The following C2orf81 variants were observed in gnomAD, a reference collection of about 807,000 sequenced individuals.
C2orf81 encodes the protein chromosome 2 open reading frame 81.
A neutral mutation model predicts 7.9 loss-of-function variants in C2orf81; 5 were observed. That is an observed-to-expected ratio of 0.63 (90% CI 0.33 to 1.33). The LOEUF is 1.33. Among genes scored for constraint, C2orf81 ranks in the 40% most tolerant of loss-of-function variants. The probability of loss-of-function intolerance (pLI) is 0.05; values close to 1 mark genes in which losing one functional copy is unlikely to be tolerated. For synonymous variants in C2orf81, 346 were observed against 367.4 expected (o/e 0.94, Z 0.66); for missense variants, 781 against 830.4 (o/e 0.94, Z 0.73).
In C2orf81 at chr2:74,414,272, G is replaced by A; in HGVS notation, c.*57C>T. ...CTCAGGGATCAGAGGGAGGCAGCAG[G>A]CTTAGAGGAGCGTGACCACACTTTG... On this transcript the variant is annotated 3_prime_UTR_variant, in exon 3 of 3. Transcript: ENST00000684111. This position sits in a 1 kb window ranked among gnomAD's most constrained non-coding sequence, Gnocchi z 5.3. The A allele has an allele frequency of 7.0e-7, 1 of 1,421,380 alleles. No homozygotes were observed. Among genetic ancestry groups the A allele is most frequent in the Non-Finnish European group, 9.3e-7 (1 of 1,080,302 alleles). The allele number at this position is 1,421,380 out of a possible 1,614,324, so 88.0% of individuals were successfully genotyped here. A position where few individuals can be genotyped will look rare whatever the true frequency, so the allele number is the denominator to read the frequency against.
chr2:74,418,144 T>G (rs1255500732), intron 1 of C2orf81: 2 of 905,400 alleles, frequency 2.2e-6, no homozygotes, highest in African/African-American at 3.3e-5. Context: ...TGAGGACTCC[T>G]GCGAGATGCC....
rs1048612530 is a variant in C2orf81, at chr2:74,414,789, G to A, written c.1388C>T (p.Ser463Leu). 2.6e-6 allele frequency: 4 copies of A among 1,551,450 alleles called. No homozygotes were observed. The African/African-American group carries it at 4.1e-5, about 16-fold the overall frequency. The stretch of plus-strand genomic sequence containing the variant: ...TGGCAGCTTTGACTCGAGGGATGGC[G>A]ACGATAGGCCTAAATTTAAAGTGGG... ...LFPTLNLGLS[S>L]PSLESKLPLP... The change falls in exon 3 of 3, where the codon TCG becomes TTG. Residue 463 changes from serine (S) to leucine (L), a missense_variant. Coordinates refer to ENST00000684111, the MANE Select transcript of C2orf81 (RefSeq NM_001316764.3). This position sits in a 1 kb window ranked among gnomAD's most constrained non-coding sequence, Gnocchi z 5.3.
Position 74,415,348 on chromosome 2 carries a change from C to A in C2orf81, c.829G>T (p.Asp277Tyr). ...APADDADPSL[D>Y]PYLVASPQAS... Reference sequence around the variant, plus strand: ...TGGGGGCTGGCTACCAGGTACGGATCCAGAGAAGGGTCGGCATCGTCGGCA... The same window carrying A: ...TGGGGGCTGGCTACCAGGTACGGATACAGAGAAGGGTCGGCATCGTCGGCA... Residue 277 changes from aspartate to tyrosine, a missense_variant, in exon 3 of 3, where the codon GAT (aspartate) becomes TAT (tyrosine). Coordinates refer to ENST00000684111, the MANE Select transcript of C2orf81 (RefSeq NM_001316764.3). The surrounding 1 kb of genome is among the most constrained non-coding windows in gnomAD (Gnocchi z 5.5). 1.3e-6 allele frequency: 2 copies of A among 1,527,746 alleles called. No homozygotes were observed. The highest frequency in any genetic ancestry group is 1.2e-5 in the South Asian group (1 of 81,880). 94.6% of individuals were successfully genotyped at this position (1,527,746 alleles called of 1,614,324 possible).
Position 74,414,555 on chromosome 2 carries a change from C to G in C2orf81, c.1622G>C (p.Arg541Thr). Residue 541 changes from arginine (R) to threonine (T), a missense_variant, in exon 3 of 3, where the codon AGA becomes ACA. Physicochemically the swap from Arg to Thr is moderately conservative, Grantham distance 71. Transcript: ENST00000684111. This position sits in a 1 kb window ranked among gnomAD's most constrained non-coding sequence, Gnocchi z 5.3. ...GACCGGGGGTGTGGTTCGAGGCCATCTGCCAGGATCCTGGCCCTCCCTGTC... is the reference window on the plus strand; with the variant it reads ...GACCGGGGGTGTGGTTCGAGGCCATGTGCCAGGATCCTGGCCCTCCCTGTC... ...LADREGQDPG[R>T]WPRTTPPVLE... 6.5e-7 allele frequency: 1 copy of G among 1,540,662 alleles called. No individual in the cohort carries two copies. The highest frequency in any genetic ancestry group is 8.8e-7 in the Non-Finnish European group (1 of 1,139,400).
Position 74,415,284 on chromosome 2 carries a change from A to T in C2orf81, c.893T>A (p.Leu298Ter). The T allele has an allele frequency of 2.6e-6, 4 of 1,551,336 alleles. 1 individual carries two copies. The South Asian group carries it at 4.8e-5, about 18-fold the overall frequency. ...TGRGHPLGFH[L>*]SLEDLYCCMP... ...GCAACAGTAGAGGTCTTCCAACGAC[A>T]AATGGAAGCCGAGGGGGTGTCCCCT... The change falls in exon 3 of 3, where the codon TTG becomes TAG. Residue 298 changes from leucine to a stop codon, truncating the protein, a stop_gained. Coordinates refer to ENST00000684111, the MANE Select transcript of C2orf81 (RefSeq NM_001316764.3). LOFTEE classifies it low-confidence loss of function (END_TRUNC). This position sits in a 1 kb window ranked among gnomAD's most constrained non-coding sequence, Gnocchi z 5.5.
At position 74,415,079 on chromosome 2, in the gene C2orf81, C is replaced by A. The variant is rs1247441961; in HGVS notation, c.1098G>T (p.Arg366Ser). The change falls in exon 3 of 3, where the codon AGG becomes AGT. Residue 366 changes from arginine to serine, a missense_variant. Coordinates refer to ENST00000684111, the MANE Select transcript of C2orf81 (RefSeq NM_001316764.3). This position sits in a 1 kb window ranked among gnomAD's most constrained non-coding sequence, Gnocchi z 5.5. ...GTTTCACGGCCGCCTTGCGGCGCAT[C>A]CTGTGGTGGTGGGCGCTCAGCCGCA... ...SDVRLSAHHH[R>S]MRRKAAVKRL... is the part of the protein sequence containing the mutation. 1 of 1,548,198 alleles carries A rather than the reference C, an allele frequency of 6.5e-7. No homozygotes were observed. Among genetic ancestry groups the A allele is most frequent in the Non-Finnish European group, 8.7e-7 (1 of 1,145,678 alleles).
Position 74,421,537 on chromosome 2 carries a change from G to A in C2orf81, c.18+6C>T. 1 of 400,112 alleles carries A rather than the reference G, an allele frequency of 2.5e-6. No individual in the cohort carries two copies. Among genetic ancestry groups the A allele is most frequent in the Non-Finnish European group, 4.5e-6 (1 of 224,642 alleles). 24.8% of individuals were successfully genotyped at this position (400,112 alleles called of 1,614,324 possible). On this transcript the variant is annotated splice_donor_region_variant and intron_variant, in intron 1 of 2. Coordinates refer to ENST00000684111, the MANE Select transcript of C2orf81 (RefSeq NM_001316764.3). ...CTGGCGCATCCCCAGCTGAACTGAAGCTCACCGAGCCTTCGTGCGCCATCG... is the reference window on the plus strand; with the variant it reads ...CTGGCGCATCCCCAGCTGAACTGAAACTCACCGAGCCTTCGTGCGCCATCG...
At position 74,417,685 on chromosome 2, in the gene C2orf81, G is replaced by A. The variant is rs116144922; in HGVS notation, c.19-1444C>T. 390 of 624,438 alleles carry A rather than the reference G, an allele frequency of 6.2e-4. 1 individual carries two copies. In the African/African-American group the frequency reaches 6.8e-3, roughly 11 times the overall value. 38.7% of individuals were successfully genotyped at this position (624,438 alleles called of 1,614,324 possible). A position where few individuals can be genotyped will look rare whatever the true frequency, so the allele number is the denominator to read the frequency against. On this transcript the variant is annotated intron_variant, in intron 1 of 2. Transcript: ENST00000684111. ...TGGAGTGGGGTGTGCCAGAATGGGGGCTTGGGCCCCTTTTAAGACCAGGGG... is the reference window on the plus strand; with the variant it reads ...TGGAGTGGGGTGTGCCAGAATGGGGACTTGGGCCCCTTTTAAGACCAGGGG...
intron 1 of C2orf81, 42 bp from the exon 2 acceptor site, chr2:74,416,283 A>G (rs754328629): frequency 7.8e-7 from 1 of 1,278,634 alleles, no homozygotes; most frequent in South Asian, 1.3e-5. Flanking sequence ...GAAACCAAGA[A>G]GTGGAACGGA....
chr2:74,414,616 G>C lies in C2orf81; in HGVS notation c.1561C>G (p.Arg521Gly), dbSNP rs932107208. 1.2e-5 allele frequency: 19 copies of C among 1,549,762 alleles called. No individual in the cohort carries two copies. The highest frequency in any genetic ancestry group is 1.6e-5 in the Non-Finnish European group (18 of 1,145,912). The change falls in exon 3 of 3, where the codon CGG becomes GGG. Residue 521 changes from arginine (R) to glycine (G), a missense_variant. Transcript: ENST00000684111. This position sits in a 1 kb window ranked among gnomAD's most constrained non-coding sequence, Gnocchi z 5.3. ...AELLGELWAG[R>G]TRVPPQGLEL... ...AGACCCTGTGGAGGCACGCGGGTCC[G>C]GCCAGCCCACAGCTCGCCCAGCAGC...
Position 74,414,266 on chromosome 2 carries a change from C to T in C2orf81, c.*63G>A. The T allele has an allele frequency of 2.9e-6, 4 of 1,384,254 alleles. No individual in the cohort carries two copies. Among genetic ancestry groups the T allele is most frequent in the Non-Finnish European group, 3.8e-6 (4 of 1,060,240 alleles). The allele number at this position is 1,384,254 out of a possible 1,614,324, so 85.7% of individuals were successfully genotyped here. A position where few individuals can be genotyped will look rare whatever the true frequency, so the allele number is the denominator to read the frequency against. The stretch of plus-strand genomic sequence containing the variant: ...CAGAGGCTCAGGGATCAGAGGGAGG[C>T]AGCAGGCTTAGAGGAGCGTGACCAC... On this transcript the variant is annotated 3_prime_UTR_variant, in exon 3 of 3. Transcript: ENST00000684111. This position sits in a 1 kb window ranked among gnomAD's most constrained non-coding sequence, Gnocchi z 5.3.
Position 74,415,904 on chromosome 2 carries a change from C to T in C2orf81, c.273G>A (p.Gln91=). 1 of 1,549,300 alleles carries T rather than the reference C, an allele frequency of 6.5e-7. No homozygotes were observed. Among genetic ancestry groups the T allele is most frequent in the Admixed American group, 2.0e-5 (1 of 50,968 alleles). Reference sequence around the variant, plus strand: ...TGATCTGCAGCATGGCCTCCCGGGCCTGGCTGATGGTGAATGGAATGCACT... The same window carrying T: ...TGATCTGCAGCATGGCCTCCCGGGCTTGGCTGATGGTGAATGGAATGCACT... The part of the protein sequence containing the change: ...TQQCIPFTIS[Q]AREAMLQITE... The change falls in exon 3 of 3, where the codon CAG becomes CAA. Residue 91 remains glutamine, a synonymous_variant. Coordinates refer to ENST00000684111, the MANE Select transcript of C2orf81 (RefSeq NM_001316764.3). This position sits in a 1 kb window ranked among gnomAD's most constrained non-coding sequence, Gnocchi z 5.5.
In C2orf81 at chr2:74,415,704, T is replaced by A; in HGVS notation, c.473A>T (p.His158Leu). The change falls in exon 3 of 3, where the codon CAC becomes CTC. Residue 158 changes from histidine to leucine, a missense_variant. Coordinates refer to ENST00000684111, the MANE Select transcript of C2orf81 (RefSeq NM_001316764.3). The surrounding 1 kb of genome is among the most constrained non-coding windows in gnomAD (Gnocchi z 5.5). ...EGLENFQGEV[H>L]SSGASPDSSA... Reference sequence around the variant, plus strand: ...GGAGTCCGGAGAGGCTCCTGAGGAGTGTACTTCGCCTTGGAAGTTCTCCAG... The same window carrying A: ...GGAGTCCGGAGAGGCTCCTGAGGAGAGTACTTCGCCTTGGAAGTTCTCCAG... 6.4e-7 allele frequency: 1 copy of A among 1,551,180 alleles called. No homozygotes were observed. Among genetic ancestry groups the A allele is most frequent in the East Asian group, 2.4e-5 (1 of 40,900 alleles).
At position 74,415,858 on chromosome 2, in the gene C2orf81, G is replaced by A. The variant is rs533973814; in HGVS notation, c.319C>T (p.Arg107Trp). 16 of 1,551,454 alleles carry A rather than the reference G, an allele frequency of 1.0e-5. No individual in the cohort carries two copies. Among genetic ancestry groups the A allele is most frequent in the African/African-American group, 8.2e-5 (6 of 73,168 alleles). ...LQITEWRFLA[R>W]DEGESAVAED... ...GCTACTGCAGATTCTCCCTCGTCCCGGGCCAGGAAGCGCCACTCGGTGATC... is the reference window on the plus strand; with the variant it reads ...GCTACTGCAGATTCTCCCTCGTCCCAGGCCAGGAAGCGCCACTCGGTGATC... The change falls in exon 3 of 3, where the codon CGG (arginine) becomes TGG (tryptophan). Residue 107 changes from arginine (R) to tryptophan (W), a missense_variant. By Grantham distance (101) the Arg-to-Trp change is moderately radical. Coordinates refer to ENST00000684111, the MANE Select transcript of C2orf81 (RefSeq NM_001316764.3). This position sits in a 1 kb window ranked among gnomAD's most constrained non-coding sequence, Gnocchi z 5.5.
intron 1 of C2orf81, among the ~76,000 whole-genome samples, chr2:74,418,967 G>A (rs1676536228): frequency 6.6e-6 from 1 of 152,028 alleles, no homozygotes; most frequent in South Asian, 2.1e-4. Flanking sequence ...GATCATTTGA[G>A]GTCAGGAGTT....
chr2:74,417,379 C>T, intron 1 of C2orf81: 5 of 1,308,656 alleles, frequency 3.8e-6, no homozygotes, highest in Non-Finnish European at 5.0e-6. Context: ...TCATGGGCCT[C>T]ACCTGGACAA....
Position 74,414,260 on chromosome 2 carries a change from G to A in C2orf81, c.*69C>T, listed in dbSNP as rs1284311909. 4 of 1,376,350 alleles carry A rather than the reference G, an allele frequency of 2.9e-6. No homozygotes were observed. The highest frequency in any genetic ancestry group is 3.8e-6 in the Non-Finnish European group (4 of 1,054,028). The allele number at this position is 1,376,350 out of a possible 1,614,324, so 85.3% of individuals were successfully genotyped here. A position where few individuals can be genotyped will look rare whatever the true frequency, so the allele number is the denominator to read the frequency against. On this transcript the variant is annotated 3_prime_UTR_variant, in exon 3 of 3. Transcript: ENST00000684111. The surrounding 1 kb of genome is among the most constrained non-coding windows in gnomAD (Gnocchi z 5.3). The stretch of plus-strand genomic sequence containing the variant: ...TACTGCCAGAGGCTCAGGGATCAGA[G>A]GGAGGCAGCAGGCTTAGAGGAGCGT...
In C2orf81 at chr2:74,415,979, G is replaced by A. The variant is rs1676455356; in HGVS notation, c.249+32C>T. 2 of 1,548,226 alleles carry A rather than the reference G, an allele frequency of 1.3e-6. No individual in the cohort carries two copies. Among genetic ancestry groups the A allele is most frequent in the African/African-American group, 1.4e-5 (1 of 73,154 alleles). ...TCGGCAGGGAGGGGCGGGAGAGGGAGACGAGTCTGAAGGACCCGGATCCCG... is the reference window on the plus strand; with the variant it reads ...TCGGCAGGGAGGGGCGGGAGAGGGAAACGAGTCTGAAGGACCCGGATCCCG... On this transcript the variant is annotated intron_variant, in intron 2 of 2. Transcript: ENST00000684111. This position sits in a 1 kb window ranked among gnomAD's most constrained non-coding sequence, Gnocchi z 5.5.
chr2:74,415,516 T>A lies in C2orf81; in HGVS notation c.661A>T (p.Thr221Ser). 1 of 1,545,186 alleles carries A rather than the reference T, an allele frequency of 6.5e-7. No homozygotes were observed. The highest frequency in any genetic ancestry group is 8.8e-7 in the Non-Finnish European group (1 of 1,142,168). ...TCTGATGTGGGAGGAGGGGCCGACG[T>A]GACTCTCAGCTGCGGAGAAGGCTCC... ...SWEPSPQLRV[T>S]SAPPPTSELF... The change falls in exon 3 of 3, where the codon ACG (threonine) becomes TCG (serine). Residue 221 changes from threonine (T) to serine (S), a missense_variant. Coordinates refer to ENST00000684111, the MANE Select transcript of C2orf81 (RefSeq NM_001316764.3). The surrounding 1 kb of genome is among the most constrained non-coding windows in gnomAD (Gnocchi z 5.5).
Sources: gnomAD v4.1 joint callset for allele counts (sites outside exome capture counted in the v4.1 genomes callset) on GRCh38, gnomAD v4.1.1 for gene constraint, Gnocchi (gnomAD v3.1) non-coding constraint, MANE v1.5 for transcripts, NCBI Gene and HGNC (gene_info 2026-07-23, HGNC 2026-07-21) for gene names.